The following DRC7 variants were observed in gnomAD, a reference collection of about 807,000 sequenced individuals.
DRC7 encodes the protein coiled-coil domain containing 135.
A neutral mutation model predicts 104.4 loss-of-function variants in DRC7; 80 were observed. The observed-to-expected ratio is 0.77, with a 90% CI of 0.64 to 0.92. The LOEUF is 0.92. Ranked by LOEUF, DRC7 falls within the 40% of genes least tolerant of loss-of-function variation. DRC7 has a pLI of 0.00. For synonymous variants in DRC7, 405 were observed against 447.3 expected (o/e 0.91, Z 1.19); for missense variants, 1,034 against 1,141.1 (o/e 0.91, Z 1.35).
intron 10 of DRC7, among the ~76,000 whole-genome samples, chr16:57,722,087 G>C (rs547913574): frequency 6.6e-6 from 1 of 152,212 alleles, no homozygotes; most frequent in Non-Finnish European, 1.5e-5. Flanking sequence ...CAGATGGTGC[G>C]GGGGGTCTCA....
At position 57,731,395 on chromosome 16, in the gene DRC7, A is replaced by C. The variant is rs2049060652; in HGVS notation, c.*137A>C. ...CTCACTGCCAGCCCACCTCCCCTAC[A>C]GCCCTGTTTGTTCCTGCTTCTCATG... On this transcript the variant is annotated 3_prime_UTR_variant, in exon 19 of 19. Coordinates refer to ENST00000360716, the MANE Select transcript of DRC7 (RefSeq NM_001289162.2). 1.6e-6 allele frequency: 1 copy of C among 638,804 alleles called. No homozygotes were observed. The highest frequency in any genetic ancestry group is 2.9e-5 in the Admixed American group (1 of 34,792). 39.6% of individuals were successfully genotyped at this position (638,804 alleles called of 1,614,324 possible).
At chr16:57,714,592 C>T (rs2048821801) in intron 8 of DRC7, 3 of 168,644 alleles carry the variant, frequency 1.8e-5, no homozygotes, top group South Asian at 2.7e-4. Flanking sequence ...TGCCACTGCA[C>T]TCCAGCCTGG....
intron 8 of DRC7, among the ~76,000 whole-genome samples, chr16:57,716,630 C>T (rs80250914): frequency 0.043 from 6,521 of 152,202 alleles, 386 homozygotes; most frequent in East Asian, 0.23. Flanking sequence ...CTCTCCTCTG[C>T]TGTGCCCCCC....
At chr16:57,712,532 G>A (rs762765182) in intron 8 of DRC7, among the ~76,000 whole-genome samples, 36 of 152,042 alleles carry the variant, frequency 2.4e-4, no homozygotes, top group Non-Finnish European at 3.5e-4. Context: ...GTTTTTCTCC[G>A]TTGTTTTTGT....
intron 14 of DRC7, 69 bp downstream of exon 14, chr16:57,726,352 G>T: frequency 1.5e-6 from 2 of 1,369,488 alleles, no homozygotes; most frequent in Non-Finnish European, 2.1e-6. Flanking sequence ...TCTTATTCCA[G>T]CCACTTGGGA....
chr16:57,707,096 C>G (rs373504187), intron 7 of DRC7, among the ~76,000 whole-genome samples: 4 of 152,144 alleles, frequency 2.6e-5, no homozygotes, highest in African/African-American at 9.7e-5. Flanking sequence ...AACAACAAGA[C>G]AGTCACAGTT....
At chr16:57,713,859 C>G (rs1378012678) in intron 8 of DRC7, 1 of 155,042 alleles carries the variant, frequency 6.4e-6, no homozygotes, top group Non-Finnish European at 1.4e-5. Flanking sequence ...GGTGTATGAG[C>G]CTCTTCCTGC....
chr16:57,698,126 C>G lies in DRC7; in HGVS notation c.177C>G (p.Ile59Met), dbSNP rs1274955995. Residue 59 changes from isoleucine to methionine, a missense_variant, in exon 3 of 19, where the codon ATC (isoleucine) becomes ATG (methionine). By Grantham distance (10) the Ile-to-Met change is conservative (BLOSUM62 1). Coordinates refer to ENST00000360716, the MANE Select transcript of DRC7 (RefSeq NM_001289162.2). ...ACCTGGAGAAGAAGCTGTCAGAGAT[C>G]CAGATCACTGTCTCAGCGGAGCTCC... ...LRDLEKKLSEIQITVSAELPA... is the reference protein window; with the variant it reads ...LRDLEKKLSEMQITVSAELPA... 1.9e-6 allele frequency: 3 copies of G among 1,614,014 alleles called. No individual in the cohort carries two copies. The African/African-American group carries it at 4.0e-5, about 22-fold the overall frequency.
At chr16:57,730,108 AGCG>A (rs2049040714) in intron 17 of DRC7, among the ~76,000 whole-genome samples, 1 of 61,570 alleles carries the variant, frequency 1.6e-5, no homozygotes, top group African/African-American at 6.6e-5. Context: ...TGAGTGAGTG[AGCG>A]GGTGGGTGGA....
chr16:57,730,945 G>A lies in DRC7; in HGVS notation c.2406G>A (p.Leu802=), dbSNP rs369302605. Residue 802 remains leucine (L), a synonymous_variant, in exon 18 of 19, where the codon CTG becomes CTA. Transcript: ENST00000360716. ...TATGACCACAGGAGACCCAGGAGCT[G>A]CAAAAGAAGCAGCAGTGGTACCAGG... ...QARFEKETQE[L]QKKQQWYQEN... is the part of the protein sequence containing the mutation. The A allele has an allele frequency of 4.3e-6, 7 of 1,613,260 alleles. No homozygotes were observed. The highest frequency in any genetic ancestry group is 2.2e-5 in the East Asian group (1 of 44,900).
intron 8 of DRC7, among the ~76,000 whole-genome samples, chr16:57,716,502 G>GA (rs57994446): frequency 0.012 from 1,378 of 118,754 alleles, 17 homozygotes; most frequent in East Asian, 0.012. Context: ...GACTCCATCT[G>GA]AAAAAAAAAA....
At chr16:57,702,596 C>T (rs902772639) in intron 6 of DRC7, among the ~76,000 whole-genome samples, 1 of 152,078 alleles carries the variant, frequency 6.6e-6, no homozygotes, top group Non-Finnish European at 1.5e-5. Context: ...GTCAGGAGTT[C>T]GAGACCAGCC....
At chr16:57,707,363 G>T in intron 7 of DRC7, 97 bp from the exon 8 acceptor site, 1 of 1,130,968 alleles carries the variant, frequency 8.8e-7, no homozygotes, top group Non-Finnish European at 1.3e-6. Flanking sequence ...TCAGAACTCA[G>T]CTCTCCTGCT....
Position 57,726,154 on chromosome 16 carries a change from C to T in DRC7, c.1845C>T (p.Arg615=). Residue 615 remains arginine, a synonymous_variant, in exon 14 of 19, where the codon CGC becomes CGT. Transcript: ENST00000360716. ...AERVFLVAEE[R]IQLRYHCRED... ...GCGTGTTTCTGGTCGCGGAGGAGCG[C>T]ATCCAGCTGCGCTACCACTGCCGTG... 7 of 1,613,150 alleles carry T rather than the reference C, an allele frequency of 4.3e-6. No individual in the cohort carries two copies. The highest frequency in any genetic ancestry group is 5.9e-6 in the Non-Finnish European group (7 of 1,180,038).
intron 8 of DRC7, among the ~76,000 whole-genome samples, chr16:57,716,887 C>T (rs1165458519): frequency 6.6e-6 from 1 of 152,092 alleles, no homozygotes; most frequent in Non-Finnish European, 1.5e-5. Flanking sequence ...AATTATCTGA[C>T]AGATGAGCCA....
chr16:57,698,817 G>A, intron 3 of DRC7, 33 bp from the exon 4 acceptor site: 1 of 1,603,758 alleles, frequency 6.2e-7, no homozygotes, highest in Non-Finnish European at 8.5e-7. Context: ...TGCCAGGCAT[G>A]GCTTCCCTAA....
intron 8 of DRC7, among the ~76,000 whole-genome samples, chr16:57,708,518 A>G (rs1304526772): frequency 6.6e-6 from 1 of 152,192 alleles, no homozygotes; most frequent in African/African-American, 2.4e-5. Context: ...GCACATTGAG[A>G]CTGTGTCCAG....
chr16:57,728,291 G>T (rs2048994680), intron 16 of DRC7, 99 bp from the exon 17 acceptor site: 5 of 1,175,198 alleles, frequency 4.3e-6, no homozygotes. Context: ...GAACCTGGCT[G>T]TGAGGTCTGG....
chr16:57,695,071 C>G (rs968611860), intron 1 of DRC7, among the ~76,000 whole-genome samples: 1 of 152,016 alleles, frequency 6.6e-6, no homozygotes, highest in Non-Finnish European at 1.5e-5. Context: ...ATCTAAGGAA[C>G]CTTGAGATAA....
Sources: allele counts gnomAD v4.1 joint callset (sites outside exome capture counted in the v4.1 genomes callset), GRCh38; gene constraint gnomAD v4.1.1; transcripts MANE v1.5; gene names NCBI Gene and HGNC (gene_info 2026-07-23, HGNC 2026-07-21).